TCF12: variants seen among roughly 807,000 people sequenced by gnomAD.
TCF12 encodes the protein DNA-binding protein HTF4.
A neutral mutation model predicts 86.0 loss-of-function variants in TCF12; 45 were observed. The observed-to-expected ratio is 0.52, with a 90% CI of 0.41 to 0.67. The LOEUF is 0.67. Among genes scored for constraint, TCF12 ranks in the 30% least tolerant of loss-of-function variants. The pLI, the probability that TCF12 is intolerant of heterozygous loss-of-function variation, is 0.00. For missense variants in TCF12, 881 were observed against 859.9 expected, an observed-to-expected ratio of 1.02 and a Z score of -0.31; for synonymous variants, 330 against 299.6, an observed-to-expected ratio of 1.10 and a Z score of -1.05.
intron 3 of TCF12, among the ~76,000 whole-genome samples, chr15:57,029,625 G>A (rs2066025658): frequency 6.6e-6 from 1 of 152,074 alleles, no homozygotes; most frequent in Admixed American, 6.6e-5. Context: ...CTTTTTTGGT[G>A]TATAAGTCAA....
At chr15:57,046,095 T>C (rs2067214758) in intron 3 of TCF12, among the ~76,000 whole-genome samples, 1 of 152,228 alleles carries the variant, frequency 6.6e-6, no homozygotes, top group African/African-American at 2.4e-5. Context: ...GTTGAGAATT[T>C]AACTGTGTGA....
chr15:57,269,899 G>C (rs1041631673), intron 18 of TCF12, among the ~76,000 whole-genome samples: 1 of 152,174 alleles, frequency 6.6e-6, no homozygotes. Context: ...CTCTCTTCTG[G>C]CTTGTAGGGT....
At chr15:57,072,907 A>AT (rs2069530840) in intron 4 of TCF12, among the ~76,000 whole-genome samples, 2 of 152,232 alleles carry the variant, frequency 1.3e-5, no homozygotes, top group African/African-American at 2.4e-5. Context: ...GCACCTGCCT[A>AT]TAAATTATAA....
chr15:57,118,992 T>G (rs2051031969), intron 5 of TCF12, among the ~76,000 whole-genome samples: 1 of 152,216 alleles, frequency 6.6e-6, no homozygotes, highest in East Asian at 1.9e-4. Flanking sequence ...TCAACCACTC[T>G]CTCAGAATAA....
intron 5 of TCF12, among the ~76,000 whole-genome samples, chr15:57,112,860 T>C (rs2050587006): frequency 6.6e-6 from 1 of 152,192 alleles, no homozygotes; most frequent in African/African-American, 2.4e-5. Flanking sequence ...GACATTACAT[T>C]CCATATTAAG....
At chr15:57,116,409 G>T (rs1163437547) in intron 5 of TCF12, among the ~76,000 whole-genome samples, 1 of 152,090 alleles carries the variant, frequency 6.6e-6, no homozygotes, top group Non-Finnish European at 1.5e-5. Flanking sequence ...GCAGTGGCAT[G>T]GTCTTGGCTC....
chr15:57,037,434 A>AAAC (rs1567297959), intron 3 of TCF12, among the ~76,000 whole-genome samples: 139 of 151,122 alleles, frequency 9.2e-4, no homozygotes, highest in Middle Eastern at 3.4e-3. Flanking sequence ...AGAGCTCAAA[A>AAAC]AAACAAACAA....
At chr15:57,196,916 T>G (rs2057294380) in intron 7 of TCF12, among the ~76,000 whole-genome samples, 1 of 152,164 alleles carries the variant, frequency 6.6e-6, no homozygotes, top group African/African-American at 2.4e-5. Context: ...TATATTGACA[T>G]TATAACCTTC....
At chr15:57,175,017 A>T (rs553941983) in intron 6 of TCF12, among the ~76,000 whole-genome samples, 14 of 152,342 alleles carry the variant, frequency 9.2e-5, no homozygotes, top group East Asian at 1.9e-4. Context: ...GGTTAAAAAA[A>T]AAATAAATCG....
intron 3 of TCF12, among the ~76,000 whole-genome samples, chr15:56,953,190 G>T (rs1443655614): frequency 6.6e-6 from 1 of 151,960 alleles, no homozygotes; most frequent in Non-Finnish European, 1.5e-5. Context: ...GCATTCCTCA[G>T]ATAAACCCCA....
At chr15:57,235,651 T>G (rs1165793757) in intron 12 of TCF12, among the ~76,000 whole-genome samples, 2 of 152,216 alleles carry the variant, frequency 1.3e-5, no homozygotes, top group South Asian at 4.1e-4. Context: ...AGGTATTTGA[T>G]TGGCTTGCCA....
At chr15:57,120,024 A>G (rs2051118438) in intron 5 of TCF12, among the ~76,000 whole-genome samples, 1 of 152,146 alleles carries the variant, frequency 6.6e-6, no homozygotes, top group African/African-American at 2.4e-5. Context: ...GAAGTGTTTT[A>G]TGTTTGCATG....
intron 13 of TCF12, among the ~76,000 whole-genome samples, chr15:57,245,518 C>T (rs1295178171): frequency 6.6e-6 from 1 of 152,206 alleles, no homozygotes; most frequent in African/African-American, 2.4e-5. Context: ...AGCATTCCCA[C>T]TACCTCGCCT....
At chr15:57,011,135 A>G (rs2064806533) in intron 3 of TCF12, among the ~76,000 whole-genome samples, 2 of 152,196 alleles carry the variant, frequency 1.3e-5, no homozygotes, top group Admixed American at 1.3e-4. Context: ...TGAAGAAACA[A>G]AAGATACTAA....
intron 8 of TCF12, among the ~76,000 whole-genome samples, chr15:57,213,352 T>G (rs1343966371): frequency 6.6e-6 from 1 of 152,240 alleles, no homozygotes; most frequent in Non-Finnish European, 1.5e-5. Flanking sequence ...TAGCAAAAAT[T>G]AGCTTTGCTT....
chr15:57,025,322 G>A (rs1481642197), intron 3 of TCF12, among the ~76,000 whole-genome samples: 2 of 152,040 alleles, frequency 1.3e-5, no homozygotes, highest in Admixed American at 6.6e-5. Flanking sequence ...TCAAGTGATC[G>A]CCTGCCTCAG....
intron 17 of TCF12, 29 bp downstream of exon 17, chr15:57,262,237 A>C: frequency 6.9e-7 from 1 of 1,439,740 alleles, no homozygotes; most frequent in Non-Finnish European, 9.7e-7. Context: ...TTCAGAAATA[A>C]TGCAGACAGA....
chr15:56,945,637 A>G (rs1334007422), intron 3 of TCF12, among the ~76,000 whole-genome samples: 5 of 151,800 alleles, frequency 3.3e-5, no homozygotes, highest in Non-Finnish European at 7.4e-5. Flanking sequence ...TTTCTATATA[A>G]TATTTTTCCT....
rs1389112126 is a variant in TCF12 at position 57,166,454 on chromosome 15, A to G, written c.378A>G (p.Leu126=). Residue 126 remains leucine, a synonymous_variant, in exon 6 of 21, where the codon TTA becomes TTG. Coordinates refer to ENST00000333725, the MANE Select transcript of TCF12 (RefSeq NM_207037.2). The part of the protein sequence containing the change: ...SFSLYSRDTG[L]PGCQSSLLRQ... ...CCCTGTACAGCAGAGATACTGGATT[A>G]CCAGGCTGTCAAGTAAGTTTAATGA... 7 of 1,612,500 alleles carry G rather than the reference A, an allele frequency of 4.3e-6. No homozygotes were observed. Among genetic ancestry groups the G allele is most frequent in the Non-Finnish European group, 5.9e-6 (7 of 1,179,396 alleles).
Sources: gnomAD v4.1 joint callset for allele counts (sites outside exome capture counted in the v4.1 genomes callset) on GRCh38, gnomAD v4.1.1 for gene constraint, MANE v1.5 for transcripts, NCBI Gene and HGNC (gene_info 2026-07-23, HGNC 2026-07-21) for gene names.